The following ERP44 variants were observed in gnomAD, a reference collection of about 807,000 sequenced individuals.
ERP44 encodes the protein endoplasmic reticulum resident protein 44.
ERP44 carries 25 observed loss-of-function variants against 53.4 expected under a neutral mutation model. The observed-to-expected ratio is 0.47, with a 90% CI of 0.34 to 0.65. The LOEUF (loss-of-function observed/expected upper bound fraction) is 0.65, where lower values mean the gene tolerates loss of function less well. Among genes scored for constraint, ERP44 ranks in the 30% least tolerant of loss-of-function variants. The probability of loss-of-function intolerance (pLI) is 0.01; values close to 1 mark genes in which losing one functional copy is unlikely to be tolerated. For synonymous variants in ERP44, 145 were observed against 161.2 expected (o/e 0.90, Z 0.76); for missense variants, 338 against 493.2 (o/e 0.69, Z 2.98).
intron 4 of ERP44, among the ~76,000 whole-genome samples, chr9:100,035,602 T>C (rs986711863): frequency 6.6e-6 from 1 of 151,812 alleles, no homozygotes; most frequent in African/African-American, 2.4e-5. Flanking sequence ...TTGAACCCGG[T>C]AGGCAGAGGC....
intron 1 of ERP44, among the ~76,000 whole-genome samples, chr9:100,065,462 AAG>A (rs922478206): frequency 5.3e-5 from 8 of 152,154 alleles, no homozygotes; most frequent in African/African-American, 1.7e-4. Context: ...GAAAATTCCT[AAG>A]AGAGTCTATA....
chr9:100,057,010 T>G (rs945158259), intron 3 of ERP44, among the ~76,000 whole-genome samples: 12 of 152,180 alleles, frequency 7.9e-5, no homozygotes, highest in Non-Finnish European at 1.3e-4. Context: ...GAGAACAGAA[T>G]GGAGATACGT....
At position 100,062,852 on chromosome 9, in the gene ERP44, C is replaced by A. The variant is rs940876532; in HGVS notation, c.58-2680G>T. On this transcript the variant is annotated intron_variant, in intron 1 of 11. Transcript: ENST00000262455. ...CTTTGGGAGGCCAAGGCAGGAGGAC[C>A]CCTTGAGGCCAGAAGTTTAAGACCT... Among the ~76,000 whole-genome samples, 4 of 151,780 alleles carry A rather than the reference C, an allele frequency of 2.6e-5. No homozygotes were observed. The South Asian group carries it at 8.4e-4, about 32-fold the overall frequency.
At chr9:99,997,677 T>C (rs781004278) in intron 10 of ERP44, among the ~76,000 whole-genome samples, 2 of 152,098 alleles carry the variant, frequency 1.3e-5, no homozygotes. Context: ...AATGCATCCA[T>C]CCAAAGACTG....
rs921280378 is a variant in ERP44 at position 99,982,607 on chromosome 9, A to G, written c.*5T>C. On this transcript the variant is annotated 3_prime_UTR_variant, in exon 12 of 12. Transcript: ENST00000262455. ...TGAAAGGCTTACAAACTGTTTTTCA[A>G]GTTTTTAAAGCTCATCTCGATCCCT... 5 of 1,498,544 alleles carry G rather than the reference A, an allele frequency of 3.3e-6. No individual in the cohort carries two copies. In the South Asian group the frequency reaches 4.2e-5, roughly 12 times the overall value. The allele number at this position is 1,498,544 out of a possible 1,614,324, so 92.8% of individuals were successfully genotyped here.
intron 1 of ERP44, among the ~76,000 whole-genome samples, chr9:100,063,809 G>A (rs1826182118): frequency 6.6e-6 from 1 of 152,158 alleles, no homozygotes; most frequent in South Asian, 2.1e-4. Context: ...TTCTTGCCAA[G>A]AAAGCAGAGC....
chr9:100,039,766 C>A (rs1175377615), intron 4 of ERP44, among the ~76,000 whole-genome samples: 1 of 151,860 alleles, frequency 6.6e-6, no homozygotes, highest in Admixed American at 6.6e-5. Flanking sequence ...ACAAAATTGA[C>A]AAACCTTTAG....
intron 1 of ERP44, among the ~76,000 whole-genome samples, chr9:100,073,718 T>C (rs1826328154): frequency 6.6e-6 from 1 of 152,212 alleles, no homozygotes. Flanking sequence ...ACATTCTACA[T>C]AGGTGAGACT....
intron 4 of ERP44, among the ~76,000 whole-genome samples, chr9:100,039,036 A>G (rs1224967043): frequency 6.6e-6 from 1 of 152,206 alleles, no homozygotes; most frequent in African/African-American, 2.4e-5. Context: ...ACATCCAGAT[A>G]TATAAAGCAA....
intron 1 of ERP44, among the ~76,000 whole-genome samples, chr9:100,069,153 C>T (rs867163948): frequency 3.3e-5 from 5 of 151,894 alleles, no homozygotes; most frequent in Non-Finnish European, 7.4e-5. Flanking sequence ...ACAAACACTG[C>T]GGAAGGCCGC....
chr9:100,095,389 G>A (rs1298035462), intron 1 of ERP44, among the ~76,000 whole-genome samples: 3 of 152,084 alleles, frequency 2.0e-5, no homozygotes, highest in Non-Finnish European at 4.4e-5. Flanking sequence ...AGTGACATAT[G>A]AACCAATTGG....
At chr9:100,097,804 G>C (rs538567615) in intron 1 of ERP44, among the ~76,000 whole-genome samples, 1 of 152,272 alleles carries the variant, frequency 6.6e-6, no homozygotes, top group African/African-American at 2.4e-5. Flanking sequence ...TCTAATCCCA[G>C]CTCTGCCTGT....
At chr9:100,051,487 A>G (rs961820837) in intron 4 of ERP44, among the ~76,000 whole-genome samples, 1 of 152,214 alleles carries the variant, frequency 6.6e-6, no homozygotes, top group African/African-American at 2.4e-5. Context: ...AAATAACTCA[A>G]TGCAATAGCT....
At chr9:100,036,958 T>G (rs1457235918) in intron 4 of ERP44, among the ~76,000 whole-genome samples, 1 of 152,044 alleles carries the variant, frequency 6.6e-6, no homozygotes, top group African/African-American at 2.4e-5. Context: ...CTCCACCAAT[T>G]GTCCCTCCTG....
chr9:100,090,159 G>A (rs1268881065), intron 1 of ERP44, among the ~76,000 whole-genome samples: 4 of 151,818 alleles, frequency 2.6e-5, no homozygotes, highest in African/African-American at 7.3e-5. Context: ...ATTTTGACTA[G>A]CAAAAAAAGA....
chr9:100,067,685 C>A (rs1447431503), intron 1 of ERP44, among the ~76,000 whole-genome samples: 1 of 151,760 alleles, frequency 6.6e-6, no homozygotes, highest in Non-Finnish European at 1.5e-5. Context: ...CTCTGCCTGG[C>A]TGCCCAGTCT....
At chr9:100,002,472 TG>T (rs1830387523) in intron 10 of ERP44, among the ~76,000 whole-genome samples, 1 of 152,218 alleles carries the variant, frequency 6.6e-6, no homozygotes, top group South Asian at 2.1e-4. Flanking sequence ...CCTCAGCTTT[TG>T]TTCATCTGGG....
At chr9:100,004,930 C>A (rs1228353248) in intron 10 of ERP44, among the ~76,000 whole-genome samples, 1 of 152,086 alleles carries the variant, frequency 6.6e-6, no homozygotes, top group Non-Finnish European at 1.5e-5. Flanking sequence ...TTTATTTTGA[C>A]CCCCTCTAAT....
At chr9:100,021,959 A>C in intron 5 of ERP44, 83 bp downstream of exon 5, 1 of 1,231,532 alleles carries the variant, frequency 8.1e-7, no homozygotes, top group South Asian at 1.4e-5. Context: ...CTATAGGAGA[A>C]TGTCCAGATT....
Sources: allele counts gnomAD v4.1 joint callset (sites outside exome capture counted in the v4.1 genomes callset), GRCh38; gene constraint gnomAD v4.1.1; transcripts MANE v1.5; gene names NCBI Gene and HGNC (gene_info 2026-07-23, HGNC 2026-07-21).